RUNX3: variants seen among roughly 807,000 people sequenced by gnomAD.
The protein encoded by RUNX3 is runt-related transcription factor 3.
RUNX3 carries 10 observed loss-of-function variants against 27.7 expected under a neutral mutation model. That is an observed-to-expected ratio of 0.36 (90% confidence interval 0.22 to 0.61). The LOEUF is 0.61. RUNX3 is among the 20% of genes least tolerant of loss of function. The pLI is 0.72. For synonymous variants in RUNX3, 270 were observed against 269.2 expected, an observed-to-expected ratio of 1.00 and a Z score of -0.03; for missense variants, 469 against 629.5, an observed-to-expected ratio of 0.75 and a Z score of 2.73.
At chr1:24,908,183 C>CGATACGCGGTGATCCGAACCTCTAT (rs1640717524) in intron 3 of RUNX3, among the ~76,000 whole-genome samples, 1 of 83,200 alleles carries the variant, frequency 1.2e-5, no homozygotes, top group Admixed American at 1.0e-4. Flanking sequence ...CGAAGCTCTA[C>CGATACGCGGTGATCCGAACCTCTAT]GACACGCGGT....
At chr1:24,931,480 A>G (rs1557848038), upstream of RUNX3, among the ~76,000 whole-genome samples, 1 of 152,266 alleles carries the variant, frequency 6.6e-6, no homozygotes, top group Non-Finnish European at 1.5e-5. Context: ...TCAAGCCACA[A>G]TCATTCCGAA....
chr1:24,909,278 A>G (rs1640753013), intron 3 of RUNX3, among the ~76,000 whole-genome samples: 1 of 152,212 alleles, frequency 6.6e-6, no homozygotes, highest in South Asian at 2.1e-4. Flanking sequence ...AGCATTACAG[A>G]TAAGGCTCTG....
intron 2 of RUNX3, among the ~76,000 whole-genome samples, chr1:24,949,743 G>A (rs988225655): frequency 6.6e-6 from 1 of 152,270 alleles, no homozygotes; most frequent in Non-Finnish European, 1.5e-5. Context: ...GCCGTCAGGA[G>A]CCCACCCACC....
chr1:24,952,656 T>C (rs923885792), intron 2 of RUNX3, among the ~76,000 whole-genome samples: 1 of 152,242 alleles, frequency 6.6e-6, no homozygotes, highest in Admixed American at 6.5e-5. Flanking sequence ...TCTCCAGTCA[T>C]GTGCACCATC....
At chr1:24,940,421 G>A (rs1641450183) in intron 2 of RUNX3, among the ~76,000 whole-genome samples, 1 of 152,110 alleles carries the variant, frequency 6.6e-6, no homozygotes, top group South Asian at 2.1e-4. Context: ...CATGACCTTG[G>A]CCCTCTCCAA....
At chr1:24,964,683 A>G (rs1571380696) in intron 1 of RUNX3, 1 of 1,513,106 alleles carries the variant, frequency 6.6e-7, no homozygotes, top group Non-Finnish European at 8.9e-7. Flanking sequence ...TGAAAATAAA[A>G]GGGGGGGGTG....
In RUNX3 at chr1:24,929,684, T is replaced by G; in HGVS notation, c.185A>C (p.His62Pro). 6.3e-7 allele frequency: 1 copy of G among 1,585,984 alleles called. No homozygotes were observed. The highest frequency in any genetic ancestry group is 2.4e-5 in the East Asian group (1 of 42,164). ...VRSMVDVLAD[H>P]AGELVRTDSP... ...GTCGGTGCGCACGAGCTCGCCTGCG[T>G]GGTCCGCCAGCACGTCCACCATCGA... Residue 62 changes from histidine (H) to proline (P), a missense_variant, in exon 1 of 5, where the codon CAC becomes CCC. His to Pro is a moderately conservative substitution (Grantham distance 77). This residue lies in a region of RUNX3 where 115 missense variants were observed against 118.0 expected (regional missense o/e 0.97). Coordinates refer to ENST00000308873, the MANE Select transcript of RUNX3 (RefSeq NM_004350.3).
upstream of RUNX3, chr1:24,930,343 G>A (rs1641197508): frequency 9.8e-6 from 5 of 509,704 alleles, no homozygotes; most frequent in Non-Finnish European, 1.3e-5. This position sits in a 1 kb window ranked among gnomAD's most constrained non-coding sequence, Gnocchi z 4.1. Flanking sequence ...GCGGAGCGAC[G>A]CGTCGCACAG....
intron 2 of RUNX3, among the ~76,000 whole-genome samples, chr1:24,937,878 C>A (rs1206588160): frequency 6.6e-6 from 1 of 152,212 alleles, no homozygotes; most frequent in Admixed American, 6.5e-5. Flanking sequence ...CAGGTCACTG[C>A]CTTGAGTCTG....
intron 1 of RUNX3, chr1:24,964,756 GA>G: frequency 7.1e-7 from 1 of 1,412,664 alleles, no homozygotes; most frequent in East Asian, 2.5e-5. Flanking sequence ...CTACGAAAAA[GA>G]AAAAAGGAAA....
chr1:24,906,792 A>G (rs1339405001), intron 4 of RUNX3, among the ~76,000 whole-genome samples: 1 of 152,256 alleles, frequency 6.6e-6, no homozygotes, highest in Admixed American at 6.5e-5. Context: ...GTGTGAGTAC[A>G]GTAATGTCAT....
chr1:24,938,795 C>T (rs1426164036), intron 2 of RUNX3, among the ~76,000 whole-genome samples: 1 of 152,120 alleles, frequency 6.6e-6, no homozygotes, highest in Non-Finnish European at 1.5e-5. Context: ...CTCCGGAGGA[C>T]ACAGCCAGAA....
rs530861742 is a variant in RUNX3 at position 24,937,089 on chromosome 1, G to A, written c.59-7237C>T. Among the ~76,000 whole-genome samples, 12 of 152,316 alleles carry A rather than the reference G, an allele frequency of 7.9e-5. 1 individual carries two copies. The South Asian group carries it at 1.7e-3, about 21-fold the overall frequency. ...GTCCACTGACAGTGGCAGGGCCAGC[G>A]GTCATGGTCCCAGCTGCAATCCTGG... On this transcript the variant is annotated intron_variant, in intron 2 of 6. Coordinates refer to the RUNX3 transcript ENST00000338888.
chr1:24,961,998 G>A (rs1015254608), intron 2 of RUNX3: 1 of 152,200 alleles, frequency 6.6e-6, no homozygotes, highest in African/African-American at 2.4e-5. Context: ...TAGGGGGTCT[G>A]TGACACTGGG....
Position 24,902,389 on chromosome 1 carries a change from C to A in RUNX3, c.981G>T (p.Pro327=), listed in dbSNP as rs775262487. 6.2e-7 allele frequency: 1 copy of A among 1,612,626 alleles called. No homozygotes were observed. The stretch of plus-strand genomic sequence containing the variant: ...TCCCGTAGTAGAGGTGGTAGGGGGA[C>A]GGGTTGGCCTGGAAGGGCCCGCTCT... ...QNQSGPFQAN[P]SPYHLYYGTS... Residue 327 remains proline, a synonymous_variant, in exon 5 of 5, where the codon CCG becomes CCT. Coordinates refer to ENST00000308873, the MANE Select transcript of RUNX3 (RefSeq NM_004350.3). The surrounding 1 kb of genome is among the most constrained non-coding windows in gnomAD (Gnocchi z 9.2).
Position 24,921,425 on chromosome 1 carries a change from T to C in RUNX3, c.440-2081A>G, listed in dbSNP as rs1640998487. On this transcript the variant is annotated intron_variant, in intron 2 of 4. Coordinates refer to ENST00000308873, the MANE Select transcript of RUNX3 (RefSeq NM_004350.3). ...CACTCCAGCTGGGAAATGAGGGGCT[T>C]CTCTGGAAGCCTTTTCCTAAGCCAG... Among the ~76,000 whole-genome samples, 2 of 152,136 alleles carry C rather than the reference T, an allele frequency of 1.3e-5. 1 individual carries two copies. The highest frequency in any genetic ancestry group is 4.1e-4 in the South Asian group (2 of 4,826).
intron 4 of RUNX3, among the ~76,000 whole-genome samples, chr1:24,903,731 C>T (rs1211678725): frequency 1.3e-5 from 2 of 152,184 alleles, no homozygotes; most frequent in African/African-American, 4.8e-5. Flanking sequence ...CCAACACGTA[C>T]TTGAGAGGGA....
chr1:24,916,827 AG>A lies in RUNX3; in HGVS notation c.544+2412del, dbSNP rs1200529055. On this transcript the variant is annotated intron_variant, in intron 3 of 4. Coordinates refer to ENST00000308873, the MANE Select transcript of RUNX3 (RefSeq NM_004350.3). This position sits in a 1 kb window ranked among gnomAD's most constrained non-coding sequence, Gnocchi z 4.8. ...CCCAGAGAGGGAGGTCACCTGTCTC[AG>A]GTGGTGCAGCAAGCCTGGCTTCTGA... Among the ~76,000 whole-genome samples, 4 of 152,178 alleles carry A rather than the reference AG, an allele frequency of 2.6e-5. No individual in the cohort carries two copies. In the East Asian group the frequency reaches 7.7e-4, roughly 29 times the overall value.
Position 24,907,368 on chromosome 1 carries a change from A to C in RUNX3, c.594T>G (p.Phe198Leu), listed in dbSNP as rs1488891705. The C allele has an allele frequency of 3.7e-6, 6 of 1,613,896 alleles. No individual in the cohort carries two copies. The highest frequency in any genetic ancestry group is 5.1e-6 in the Non-Finnish European group (6 of 1,179,976). Residue 198 changes from phenylalanine (F) to leucine (L), a missense_variant, in exon 4 of 5, where the codon TTT (phenylalanine) becomes TTG (leucine). Phe to Leu is a conservative substitution (Grantham distance 22). Transcript: ENST00000308873. ...GCATGCGCAGCCGTTCCAGGTCCCC[A>C]AAGCGGTCAGGGAACGGCTTGGTCT... ...EDQTKPFPDR[F>L]GDLERLRMRV...
Sources: allele counts gnomAD v4.1 joint callset (sites outside exome capture counted in the v4.1 genomes callset), GRCh38; gene constraint gnomAD v4.1.1; regional missense constraint gnomAD v4.1.1; non-coding constraint Gnocchi (gnomAD v3.1); transcripts MANE v1.5; gene names NCBI Gene and HGNC (gene_info 2026-07-23, HGNC 2026-07-21).